Variants in XPOT observed in about 807,000 individuals in gnomAD.
XPOT encodes the protein exportin-T.
In XPOT, 34 loss-of-function variants were observed where a neutral mutation model predicts 128.2. The ratio of observed to expected loss-of-function variants is 0.27; its 90% CI spans 0.20 to 0.35. The LOEUF (loss-of-function observed/expected upper bound fraction) is 0.35. Ranked by LOEUF, XPOT falls within the 10% of genes least tolerant of loss-of-function variation. The pLI, the probability that XPOT is intolerant of heterozygous loss-of-function variation, is 1.00. For synonymous variants in XPOT, 348 were observed against 394.3 expected (o/e 0.88, Z 1.39); for missense variants, 838 against 1,125.3 (o/e 0.74, Z 3.65).
At chr12:64,439,045 A>C (rs2040304688) in intron 22 of XPOT, among the ~76,000 whole-genome samples, 199 bp from the exon 23 acceptor site, 1 of 152,218 alleles carries the variant, frequency 6.6e-6, no homozygotes, top group African/African-American at 2.4e-5. Context: ...CATGTTCTGC[A>C]CATGTAACCC....
At chr12:64,431,864 C>T (rs768701001) in intron 18 of XPOT, 41 bp downstream of exon 18, 22 of 1,581,862 alleles carry the variant, frequency 1.4e-5, no homozygotes, top group South Asian at 5.7e-5. Flanking sequence ...TCTTGAAGAT[C>T]AGATGTATTT....
intron 17 of XPOT, among the ~76,000 whole-genome samples, chr12:64,431,193 C>G (rs1173273910): frequency 6.6e-6 from 1 of 152,178 alleles, no homozygotes. Flanking sequence ...ATTTGCCTGC[C>G]TTAGCCTCCC....
In XPOT at chr12:64,410,071, T is replaced by A. The variant is rs201341526; in HGVS notation, c.36T>A (p.Asn12Lys). 6.2e-7 allele frequency: 1 copy of A among 1,613,944 alleles called. No homozygotes were observed. The highest frequency in any genetic ancestry group is 8.5e-7 in the Non-Finnish European group (1 of 1,179,998). The stretch of plus-strand genomic sequence containing the variant: ...AGGCTCTATTAGGGCTAAATCCAAA[T>A]GCTGATTCAGACTTTAGACAAAGGG... ...DEQALLGLNPNADSDFRQRAL... is the reference protein window; with the variant it reads ...DEQALLGLNPKADSDFRQRAL... The change falls in exon 2 of 25, where the codon AAT becomes AAA. Residue 12 changes from asparagine to lysine, a missense_variant. Asn to Lys is a moderately conservative substitution (Grantham distance 94). Around this residue, in one of 3 missense-constraint regions of XPOT, gnomAD observed 761 missense variants for 988.3 expected, o/e 0.77. Transcript: ENST00000332707.
chr12:64,414,007 A>G (rs947503645), intron 2 of XPOT, among the ~76,000 whole-genome samples: 4 of 152,206 alleles, frequency 2.6e-5, no homozygotes, highest in Admixed American at 2.0e-4. Flanking sequence ...TTTCATACAT[A>G]ATTGCTGTCA....
chr12:64,407,299 A>G (rs978803576), intron 1 of XPOT, among the ~76,000 whole-genome samples: 2 of 152,088 alleles, frequency 1.3e-5, no homozygotes, highest in Non-Finnish European at 2.9e-5. Flanking sequence ...AGCCTGGGCA[A>G]CATGGTGAAA....
chr12:64,441,429 C>T (rs1457407630), intron 23 of XPOT, among the ~76,000 whole-genome samples: 2 of 152,168 alleles, frequency 1.3e-5, no homozygotes, highest in African/African-American at 4.8e-5. Context: ...CTGTCTTTTG[C>T]TAGTACCATA....
intron 1 of XPOT, among the ~76,000 whole-genome samples, chr12:64,407,845 G>T (rs1053363563): frequency 2.0e-5 from 3 of 152,106 alleles, no homozygotes; most frequent in Non-Finnish European, 4.4e-5. Flanking sequence ...CTGCAAGTAC[G>T]TTATGAACCA....
intron 23 of XPOT, among the ~76,000 whole-genome samples, chr12:64,440,289 A>G (rs889893164): frequency 6.6e-6 from 1 of 152,210 alleles, no homozygotes; most frequent in African/African-American, 2.4e-5. Context: ...GTTGTTACAT[A>G]TGGCAGGATT....
chr12:64,410,839 T>G (rs1388742126), intron 2 of XPOT, among the ~76,000 whole-genome samples: 1 of 1,554 alleles, frequency 6.4e-4, no homozygotes, highest in African/African-American at 7.6e-4. Flanking sequence ...GAGCCTATAA[T>G]TAATTTTTTT....
intron 2 of XPOT, 45 bp downstream of exon 2, chr12:64,410,140 T>G (rs374078847): frequency 1.0e-5 from 16 of 1,586,620 alleles, no homozygotes; most frequent in Middle Eastern, 1.7e-4. Flanking sequence ...TCACCACAGA[T>G]TGGCATTAGA....
At chr12:64,442,123 A>G (rs537640965) in intron 23 of XPOT, among the ~76,000 whole-genome samples, 1 of 151,442 alleles carries the variant, frequency 6.6e-6, no homozygotes, top group South Asian at 2.1e-4. Flanking sequence ...CAGAGTCGTC[A>G]TCTTTTTCTT....
intron 4 of XPOT, 125 bp from the exon 5 acceptor site, chr12:64,417,921 G>A: frequency 1.6e-6 from 1 of 622,586 alleles, no homozygotes; most frequent in Admixed American, 3.5e-5. Context: ...ATCAGTTTAT[G>A]TTAGGGAACT....
intron 15 of XPOT, 136 bp downstream of exon 15, chr12:64,426,045 T>C (rs1162029918): frequency 1.3e-6 from 1 of 757,976 alleles, no homozygotes; most frequent in Non-Finnish European, 2.2e-6. Flanking sequence ...AGGCCAGGTA[T>C]GGTGGCTCAT....
intron 9 of XPOT, 55 bp from the exon 10 acceptor site, chr12:64,422,950 G>T: frequency 1.4e-6 from 2 of 1,452,390 alleles, no homozygotes; most frequent in Non-Finnish European, 9.5e-7. Context: ...AAAATGTTCT[G>T]ATATGCAGGT....
chr12:64,407,318 C>G (rs547339997), intron 1 of XPOT, among the ~76,000 whole-genome samples: 63 of 152,024 alleles, frequency 4.1e-4, no homozygotes, highest in African/African-American at 1.4e-3. Context: ...AACCCCATCT[C>G]TACTAAAAAA....
chr12:64,428,666 A>C (rs1441132811), intron 16 of XPOT, among the ~76,000 whole-genome samples: 6 of 152,324 alleles, frequency 3.9e-5, no homozygotes, highest in African/African-American at 1.4e-4. Flanking sequence ...CAATTCTAAA[A>C]GATCAAAATC....
chr12:64,410,160 TA>T, intron 2 of XPOT, 65 bp downstream of exon 2: 6 of 1,488,540 alleles, frequency 4.0e-6, no homozygotes, highest in South Asian at 1.2e-5. Flanking sequence ...AGGACTTGAA[TA>T]AAAATGCACC....
chr12:64,429,482 C>T (rs912355685), intron 16 of XPOT, among the ~76,000 whole-genome samples: 7 of 149,820 alleles, frequency 4.7e-5, no homozygotes, highest in Non-Finnish European at 8.9e-5. Flanking sequence ...TTGGCTCTGT[C>T]ACCCAGGCTG....
chr12:64,425,487 A>G (rs1004644221), intron 14 of XPOT, 30 bp downstream of exon 14: 8 of 1,610,242 alleles, frequency 5.0e-6, no homozygotes, highest in Admixed American at 3.4e-5. Flanking sequence ...GTTACTTTCC[A>G]TGGGTTTCAG....
Sources: allele counts gnomAD v4.1 joint callset (sites outside exome capture counted in the v4.1 genomes callset), GRCh38; gene constraint gnomAD v4.1.1; regional missense constraint gnomAD v4.1.1; transcripts MANE v1.5; gene names NCBI Gene and HGNC (gene_info 2026-07-23, HGNC 2026-07-21).